The following DZIP3 variants were observed in gnomAD, a reference collection of about 807,000 sequenced individuals.
DZIP3 encodes the protein DAZ interacting zinc finger protein 3.
DZIP3 carries 118 observed loss-of-function variants against 162.0 expected under a neutral mutation model. That is an observed-to-expected ratio of 0.73 (90% CI 0.63 to 0.85). DZIP3 has a LOEUF of 0.85. DZIP3 is among the 40% of genes least tolerant of loss of function. DZIP3 has a pLI of 0.00. For missense variants in DZIP3, 1,331 were observed against 1,407.0 expected (o/e 0.95, Z 0.86); for synonymous variants, 438 against 458.6 (o/e 0.96, Z 0.57).
chr3:108,623,503 G>A (rs141949521), intron 5 of DZIP3, among the ~76,000 whole-genome samples: 2 of 152,270 alleles, frequency 1.3e-5, no homozygotes, highest in Non-Finnish European at 2.9e-5. Context: ...TGACTGAGCC[G>A]ATATTCAAGT....
rs1179813457 is a variant in DZIP3, at chr3:108,589,835, A to T, written c.-77A>T. 1 of 154,510 alleles carries T rather than the reference A, an allele frequency of 6.5e-6. No homozygotes were observed. Among genetic ancestry groups the T allele is most frequent in the Non-Finnish European group, 1.4e-5 (1 of 69,080 alleles). 9.6% of individuals were successfully genotyped at this position (154,510 alleles called of 1,614,324 possible). ...AAATGGTCGCTTGCCCCTAGTCTAG[A>T]CACGGTGAGGAGCTCTGAGGAGAAG... On this transcript the variant is annotated 5_prime_UTR_variant, in exon 1 of 33. Transcript: ENST00000361582.
At chr3:108,590,678 A>G (rs910909742) in intron 1 of DZIP3, among the ~76,000 whole-genome samples, 3 of 152,208 alleles carry the variant, frequency 2.0e-5, no homozygotes, top group Non-Finnish European at 2.9e-5. Context: ...TCACCACATA[A>G]ATGAGAGGCA....
intron 5 of DZIP3, among the ~76,000 whole-genome samples, chr3:108,620,601 G>T (rs965015560): frequency 6.6e-6 from 1 of 152,056 alleles, no homozygotes; most frequent in Non-Finnish European, 1.5e-5. Context: ...TCTCTCTTAT[G>T]ACTTTTATGG....
intron 28 of DZIP3, among the ~76,000 whole-genome samples, chr3:108,687,287 A>G (rs1451920921): frequency 6.6e-6 from 1 of 152,126 alleles, no homozygotes; most frequent in African/African-American, 2.4e-5. Context: ...TGTTATAAAT[A>G]TGTATAAAAA....
chr3:108,595,565 G>A (rs1432043808), intron 1 of DZIP3, among the ~76,000 whole-genome samples: 3 of 152,022 alleles, frequency 2.0e-5, no homozygotes, highest in African/African-American at 7.3e-5. Flanking sequence ...GATATTTTCC[G>A]TAATTTATAG....
rs1474283043 is a variant in DZIP3 at position 108,662,248 on chromosome 3, A to T, written c.2414A>T (p.Lys805Met). Residue 805 changes from lysine (K) to methionine (M), a missense_variant, in exon 21 of 33, where the codon AAG becomes ATG. Lys to Met is a moderately conservative substitution (Grantham distance 95). Around this residue, in one of 2 missense-constraint regions of DZIP3, gnomAD observed 1,278 missense variants for 1,317.1 expected, o/e 0.97. Transcript: ENST00000361582. ...CAACAAGTTGCTTTTGGAATCAATAAGGTTTCCAAGTAAGTGTAAATCTTT... is the reference window on the plus strand; with the variant it reads ...CAACAAGTTGCTTTTGGAATCAATATGGTTTCCAAGTAAGTGTAAATCTTT... ...LNQQVAFGIN[K>M]VSKLQRQIHA... 3.8e-6 allele frequency: 6 copies of T among 1,588,260 alleles called. No homozygotes were observed. The South Asian group carries it at 7.0e-5, about 19-fold the overall frequency.
Position 108,654,168 on chromosome 3 carries a change from A to G in DZIP3, c.2057A>G (p.Glu686Gly), listed in dbSNP as rs1943004407. 5 of 1,613,552 alleles carry G rather than the reference A, an allele frequency of 3.1e-6. No homozygotes were observed. The highest frequency in any genetic ancestry group is 4.2e-6 in the Non-Finnish European group (5 of 1,179,646). ...DQVPYVVEKE[E>G]QLRKEQANPH... ...AGCCCATATGTGGTAGAAAAGGAAGAGCAGTTGAGGAAAGAACAAGCAAAT... is the reference window on the plus strand; with the variant it reads ...AGCCCATATGTGGTAGAAAAGGAAGGGCAGTTGAGGAAAGAACAAGCAAAT... Residue 686 changes from glutamate to glycine, a missense_variant, in exon 19 of 33, where the codon GAG becomes GGG. By Grantham distance (98) the Glu-to-Gly change is moderately conservative. Coordinates refer to ENST00000361582, the MANE Select transcript of DZIP3 (RefSeq NM_014648.4).
At chr3:108,663,708 G>T (rs1366550805) in intron 21 of DZIP3, among the ~76,000 whole-genome samples, 2 of 152,144 alleles carry the variant, frequency 1.3e-5, no homozygotes, top group Non-Finnish European at 2.9e-5. Context: ...TCCATCTGAA[G>T]ATATCCCTCC....
chr3:108,634,202 C>T (rs918755622), intron 9 of DZIP3, among the ~76,000 whole-genome samples: 1 of 152,052 alleles, frequency 6.6e-6, no homozygotes, highest in African/African-American at 2.4e-5. Flanking sequence ...ATGTAGTGCT[C>T]AGGGTCAGGC....
chr3:108,621,398 G>A (rs1458214119), intron 5 of DZIP3, among the ~76,000 whole-genome samples: 2 of 152,092 alleles, frequency 1.3e-5, no homozygotes, highest in African/African-American at 4.8e-5. Flanking sequence ...CAGGGTAAAT[G>A]GGCTATCCAT....
intron 8 of DZIP3, among the ~76,000 whole-genome samples, chr3:108,630,307 A>G (rs1403523896): frequency 6.6e-6 from 1 of 152,072 alleles, no homozygotes; most frequent in African/African-American, 2.4e-5. Context: ...ATCTTTCTTG[A>G]TCTTTATGTT....
At chr3:108,685,971 CT>C (rs1944484241) in intron 27 of DZIP3, among the ~76,000 whole-genome samples, 1 of 152,086 alleles carries the variant, frequency 6.6e-6, no homozygotes, top group African/African-American at 2.4e-5. Context: ...TCATGCATAT[CT>C]CTTATGCCCA....
intron 9 of DZIP3, among the ~76,000 whole-genome samples, chr3:108,633,902 TGATA>T (rs1209941035): frequency 1.4e-5 from 2 of 146,058 alleles, no homozygotes; most frequent in Non-Finnish European, 3.0e-5. Context: ...AGAATACTTC[TGATA>T]GATCTCTCTC....
chr3:108,646,420 A>T (rs911896081), intron 14 of DZIP3, among the ~76,000 whole-genome samples, 197 bp from the exon 15 acceptor site: 1 of 152,050 alleles, frequency 6.6e-6, no homozygotes, highest in African/African-American at 2.4e-5. Flanking sequence ...TTCTCTAATC[A>T]TGGGTTTATA....
chr3:108,610,953 TA>T (rs1467181754), intron 3 of DZIP3, among the ~76,000 whole-genome samples: 2 of 152,364 alleles, frequency 1.3e-5, no homozygotes, highest in South Asian at 2.1e-4. Flanking sequence ...CATTTAGATA[TA>T]ATTTTCATGT....
intron 18 of DZIP3, among the ~76,000 whole-genome samples, chr3:108,653,505 GTGTATATATA>G (rs1418844156): frequency 2.4e-4 from 16 of 67,838 alleles, no homozygotes; most frequent in South Asian, 1.4e-3. Flanking sequence ...TTGTGTGTGT[GTGTATATATA>G]TATATATATA....
chr3:108,652,136 C>T (rs749306408), intron 18 of DZIP3, among the ~76,000 whole-genome samples: 2 of 151,734 alleles, frequency 1.3e-5, no homozygotes, highest in Non-Finnish European at 3.0e-5. Context: ...TGCCATTTTG[C>T]TTACACAGTG....
Position 108,688,730 on chromosome 3 carries a change from T to C in DZIP3, c.3408T>C (p.Ser1136=), listed in dbSNP as rs1405362936. The C allele has an allele frequency of 1.9e-6, 3 of 1,613,932 alleles. No individual in the cohort carries two copies. In the South Asian group the frequency reaches 3.3e-5, roughly 18 times the overall value. ...SQGPATWEGA[S]NPDEEEEEEE... ...GTCCTGCCACATGGGAAGGAGCCAG[T>C]AATCCAGTGAGACTGAAATTTTTGA... The change falls in exon 30 of 33, where the codon AGT becomes AGC. Residue 1136 remains serine, a synonymous_variant. Coordinates refer to ENST00000361582, the MANE Select transcript of DZIP3 (RefSeq NM_014648.4).
In DZIP3 at chr3:108,605,414, C is replaced by G. The variant is rs61734868; in HGVS notation, c.8C>G (p.Ser3Cys). ...AAAGAAACCTTGTGCAGCATGGATT[C>G]TCTACCAGATGAATTTTTTGTGAGG... MD[S>C]LPDEFFVRHP... Residue 3 changes from serine to cysteine, a missense_variant, in exon 2 of 33, where the codon TCT becomes TGT. Around this residue, in one of 2 missense-constraint regions of DZIP3, gnomAD observed 1,278 missense variants for 1,317.1 expected, o/e 0.97. Coordinates refer to ENST00000361582, the MANE Select transcript of DZIP3 (RefSeq NM_014648.4). 2.5e-3 allele frequency: 3,985 copies of G among 1,613,420 alleles called. 89 individuals are homozygous for G. In the African/African-American group the frequency reaches 0.048, roughly 19 times the overall value.
Sources: allele counts gnomAD v4.1 joint callset (sites outside exome capture counted in the v4.1 genomes callset), GRCh38; gene constraint gnomAD v4.1.1; regional missense constraint gnomAD v4.1.1; transcripts MANE v1.5; gene names NCBI Gene and HGNC (gene_info 2026-07-23, HGNC 2026-07-21).